The following DEPDC5 variants were observed in gnomAD, a reference collection of about 807,000 sequenced individuals.
The protein encoded by DEPDC5 is DEP domain containing 5, GATOR1 subcomplex subunit.
Under a neutral mutation model 217.3 loss-of-function variants are expected in DEPDC5, and 73 were observed. The ratio of observed to expected loss-of-function variants is 0.34; its 90% CI spans 0.28 to 0.41. The LOEUF (loss-of-function observed/expected upper bound fraction) is 0.41, where lower values mean the gene tolerates loss of function less well. Ranked by LOEUF, DEPDC5 falls within the 10% of genes least tolerant of loss-of-function variation. DEPDC5 has a pLI of 1.00. For synonymous variants in DEPDC5, 733 were observed against 756.7 expected (o/e 0.97, Z 0.51); for missense variants, 1,675 against 2,070.1 (o/e 0.81, Z 3.70).
At chr22:31,876,774 T>C (rs143673302) in intron 37 of DEPDC5, among the ~76,000 whole-genome samples, 137 of 152,324 alleles carry the variant, frequency 9.0e-4, no homozygotes, top group African/African-American at 3.1e-3. Flanking sequence ...TTTTTTTAAA[T>C]AATGAGGAAA....
intron 11 of DEPDC5, 60 bp from the exon 12 acceptor site, chr22:31,792,685 C>G: frequency 8.3e-7 from 1 of 1,201,018 alleles, no homozygotes; most frequent in Non-Finnish European, 1.1e-6. Context: ...GAAGAGGAAG[C>G]TGACAAAACT....
At position 31,906,590 on chromosome 22, in the gene DEPDC5, T is replaced by A. The variant is rs942446274; in HGVS notation, c.*93T>A. On this transcript the variant is annotated 3_prime_UTR_variant, in exon 43 of 43. Transcript: ENST00000651528. The surrounding 1 kb of genome is among the most constrained non-coding windows in gnomAD (Gnocchi z 5.1). The stretch of plus-strand genomic sequence containing the variant: ...CCAGGCAGGCTCTAGGAGTCAGGTG[T>A]CCGTTTGCTGCTATCAGTGAGTGGG... 2.7e-6 allele frequency: 4 copies of A among 1,483,122 alleles called. No individual in the cohort carries two copies. The African/African-American group carries it at 5.6e-5, about 21-fold the overall frequency. The allele number at this position is 1,483,122 out of a possible 1,614,324, so 91.9% of individuals were successfully genotyped here.
At chr22:31,837,633 C>G (rs1178080148) in intron 26 of DEPDC5, among the ~76,000 whole-genome samples, 2 of 151,834 alleles carry the variant, frequency 1.3e-5, no homozygotes. Context: ...GGGATTACTA[C>G]CTTGAGCCAC....
chr22:31,851,189 C>T (rs1213539225), intron 31 of DEPDC5, among the ~76,000 whole-genome samples: 3 of 152,152 alleles, frequency 2.0e-5, no homozygotes, highest in African/African-American at 7.2e-5. Context: ...TGGTCTTAAA[C>T]TTGTCTCACA....
At chr22:31,881,430 T>C (rs1163041287) in intron 38 of DEPDC5, among the ~76,000 whole-genome samples, 3 of 152,172 alleles carry the variant, frequency 2.0e-5, no homozygotes, top group Non-Finnish European at 2.9e-5. Context: ...CTCCTCCTCC[T>C]TTCCCTTAGG....
intron 2 of DEPDC5, among the ~76,000 whole-genome samples, chr22:31,758,190 C>T (rs969547133): frequency 6.6e-6 from 1 of 152,124 alleles, no homozygotes; most frequent in East Asian, 1.9e-4. Flanking sequence ...TCTGTGGGAA[C>T]CAGCCTGTTT....
intron 21 of DEPDC5, among the ~76,000 whole-genome samples, chr22:31,817,982 G>A (rs886383228): frequency 6.6e-5 from 10 of 152,156 alleles, no homozygotes; most frequent in Non-Finnish European, 7.3e-5. Flanking sequence ...GTATTACAGT[G>A]TATGAGGTTC....
At chr22:31,861,329 T>TGCAACTGCTGCTGCTGCTTCCTC (rs1439390477) in intron 32 of DEPDC5, 39 bp from the exon 33 acceptor site, 1 of 1,547,990 alleles carries the variant, frequency 6.5e-7, no homozygotes. Flanking sequence ...TTCGCTTCCT[T>TGCAACTGCTGCTGCTGCTTCCTC]GCAACTGCTG....
chr22:31,859,192 G>C (rs527815203), intron 32 of DEPDC5: 1 of 138,142 alleles, frequency 7.2e-6, no homozygotes, highest in Non-Finnish European at 1.5e-5. Flanking sequence ...CTGGGTTCAC[G>C]CCATTCTCCT....
intron 30 of DEPDC5, 28 bp from the exon 31 acceptor site, chr22:31,846,806 T>C: frequency 6.2e-7 from 1 of 1,614,078 alleles, no homozygotes; most frequent in Non-Finnish European, 8.5e-7. Context: ...ACTTGGCTGA[T>C]GGCCTTGTCT....
chr22:31,833,890 A>G, intron 24 of DEPDC5, 25 bp from the exon 25 acceptor site: 1 of 1,512,720 alleles, frequency 6.6e-7, no homozygotes, highest in Non-Finnish European at 8.9e-7. Flanking sequence ...CCTTCTTAAG[A>G]CAAGCTGTTT....
At chr22:31,821,407 G>C in intron 22 of DEPDC5, 95 bp from the exon 23 acceptor site, 1 of 1,526,652 alleles carries the variant, frequency 6.6e-7, no homozygotes, top group East Asian at 2.3e-5. Flanking sequence ...ACCAACATCT[G>C]TATCCCAGTA....
At chr22:31,833,856 G>T in intron 24 of DEPDC5, 59 bp from the exon 25 acceptor site, 1 of 1,419,682 alleles carries the variant, frequency 7.0e-7, no homozygotes, top group Admixed American at 2.3e-5. Flanking sequence ...ACCATAACTG[G>T]TCAGAACTCT....
intron 25 of DEPDC5, 105 bp downstream of exon 25, chr22:31,834,085 G>GT (rs746705984): frequency 1.8e-6 from 2 of 1,117,260 alleles, no homozygotes; most frequent in African/African-American, 3.1e-5. Flanking sequence ...TGGTCCTGAG[G>GT]TACACATACC....
At chr22:31,824,329 G>A (rs2089965951) in intron 24 of DEPDC5, among the ~76,000 whole-genome samples, 1 of 151,726 alleles carries the variant, frequency 6.6e-6, no homozygotes, top group Admixed American at 6.6e-5. Context: ...CTGGGCGACA[G>A]AGCGAGACTT....
intron 20 of DEPDC5, among the ~76,000 whole-genome samples, chr22:31,812,314 T>C (rs1237504597): frequency 1.3e-5 from 2 of 151,928 alleles, no homozygotes; most frequent in African/African-American, 4.8e-5. Flanking sequence ...TATGCTTATG[T>C]TTATATTATT....
intron 15 of DEPDC5, among the ~76,000 whole-genome samples, chr22:31,803,798 T>C (rs1182161789): frequency 1.3e-5 from 2 of 152,108 alleles, no homozygotes; most frequent in Non-Finnish European, 2.9e-5. Context: ...GAAGCTCTGT[T>C]AAGTGATGTG....
In DEPDC5 at chr22:31,905,943, T is replaced by C. The variant is rs2093750199; in HGVS notation, c.4437-41T>C. The stretch of plus-strand genomic sequence containing the variant: ...CATTCTCTTCCCTTGCCCCTTTAAC[T>C]AAGGAGGCGCTGATTAGCATGTCTT... On this transcript the variant is annotated intron_variant, in intron 41 of 42. Coordinates refer to ENST00000651528, the MANE Select transcript of DEPDC5 (RefSeq NM_001242896.3). 2.5e-6 allele frequency: 4 copies of C among 1,570,490 alleles called. No individual in the cohort carries two copies. The South Asian group carries it at 4.5e-5, about 17-fold the overall frequency.
chr22:31,775,202 A>C (rs2083715568), intron 7 of DEPDC5, among the ~76,000 whole-genome samples: 8 of 150,906 alleles, frequency 5.3e-5, no homozygotes, highest in Admixed American at 5.3e-4. Flanking sequence ...TTTTTGAGAC[A>C]GAGTTTTACT....
Sources: gnomAD v4.1 joint callset for allele counts (sites outside exome capture counted in the v4.1 genomes callset) on GRCh38, gnomAD v4.1.1 for gene constraint, Gnocchi (gnomAD v3.1) non-coding constraint, MANE v1.5 for transcripts, NCBI Gene and HGNC (gene_info 2026-07-23, HGNC 2026-07-21) for gene names.